Variants in LHPP observed in about 807,000 individuals in gnomAD.
LHPP encodes hLHPP.
In LHPP, 24 loss-of-function variants were observed where a neutral mutation model predicts 30.3. That is an observed-to-expected ratio of 0.79 (90% CI 0.57 to 1.11). LHPP has a LOEUF of 1.11. LHPP is among the 50% of genes most tolerant of loss of function. LHPP has a pLI of 0.00. For synonymous variants in LHPP, 150 were observed against 157.1 expected (o/e 0.95, Z 0.34); for missense variants, 356 against 367.2 (o/e 0.97, Z 0.25).
chr10:124,564,261 C>T (rs182030591), intron 6 of LHPP, among the ~76,000 whole-genome samples: 47 of 151,762 alleles, frequency 3.1e-4, no homozygotes, highest in Admixed American at 7.2e-4. Context: ...GTAGCTGGGA[C>T]TACAGGCACG....
chr10:124,466,624 T>G (rs536816568), intron 1 of LHPP, among the ~76,000 whole-genome samples: 147 of 152,066 alleles, frequency 9.7e-4, no homozygotes, highest in African/African-American at 3.3e-3. Flanking sequence ...GCCTGGCTAA[T>G]TTTTGTATTT....
chr10:124,591,056 T>C (rs1273507736), intron 6 of LHPP, among the ~76,000 whole-genome samples: 1 of 151,792 alleles, frequency 6.6e-6, no homozygotes, highest in Non-Finnish European at 1.5e-5. Flanking sequence ...AGCAGCCCTC[T>C]GAGGGGGTAG....
At chr10:124,533,320 C>T (rs1176389255) in intron 6 of LHPP, among the ~76,000 whole-genome samples, 3 of 152,344 alleles carry the variant, frequency 2.0e-5, no homozygotes, top group Non-Finnish European at 2.9e-5. Flanking sequence ...CCCCCCAGAG[C>T]GGCTTCCTGC....
At chr10:124,466,072 A>G (rs1952545084) in intron 1 of LHPP, among the ~76,000 whole-genome samples, 1 of 152,210 alleles carries the variant, frequency 6.6e-6, no homozygotes, top group Non-Finnish European at 1.5e-5. Context: ...AAAGGACACA[A>G]GTACAAGGTC....
chr10:124,519,885 T>G (rs1954565577), intron 6 of LHPP, among the ~76,000 whole-genome samples: 1 of 152,060 alleles, frequency 6.6e-6, no homozygotes, highest in Non-Finnish European at 1.5e-5. Context: ...CAGGCTGGAG[T>G]GCAGTGGCGC....
chr10:124,583,567 A>G (rs72837398), intron 6 of LHPP, among the ~76,000 whole-genome samples: 4,958 of 152,356 alleles, frequency 0.033, 131 homozygotes, highest in East Asian at 0.13. Context: ...GTAAAGCAGC[A>G]TCTGCTTCTG....
intron 5 of LHPP, among the ~76,000 whole-genome samples, chr10:124,508,220 C>T (rs1027676812): frequency 6.6e-6 from 1 of 152,070 alleles, no homozygotes; most frequent in Admixed American, 6.5e-5. Context: ...TCCACTGAGG[C>T]CTCCCCACGA....
intron 1 of LHPP, among the ~76,000 whole-genome samples, chr10:124,473,678 C>T (rs988816358): frequency 2.6e-5 from 4 of 152,114 alleles, no homozygotes; most frequent in Admixed American, 6.6e-5. Context: ...TTGGGTGGGG[C>T]GAGGCGACTC....
rs7898793 is a variant in LHPP at position 124,596,366 on chromosome 10, C to T, written c.717-16898C>T. On this transcript the variant is annotated intron_variant, in intron 6 of 6. Transcript: ENST00000368842. This position sits in a 1 kb window ranked among gnomAD's most constrained non-coding sequence, Gnocchi z 4.6. Reference sequence around the variant, plus strand: ...TGTCTGATGTACCATGTTGCGCTCCCGCCAGCCTCGCTGAGTTCCCATAGC... The same window carrying T: ...TGTCTGATGTACCATGTTGCGCTCCTGCCAGCCTCGCTGAGTTCCCATAGC... Among the ~76,000 whole-genome samples, 36,434 of 152,016 alleles carry T rather than the reference C, an allele frequency of 0.24. 4,949 individuals carry two copies. Among genetic ancestry groups the T allele is most frequent in the East Asian group, 0.41 (2,093 of 5,166 alleles).
At chr10:124,511,443 G>A (rs562463318) in intron 5 of LHPP, among the ~76,000 whole-genome samples, 1 of 152,226 alleles carries the variant, frequency 6.6e-6, no homozygotes, top group African/African-American at 2.4e-5. Flanking sequence ...AAAGTATGAA[G>A]TAGAGAGCAC....
intron 6 of LHPP, among the ~76,000 whole-genome samples, chr10:124,589,620 C>T (rs1354011141): frequency 6.6e-6 from 1 of 152,228 alleles, no homozygotes; most frequent in Non-Finnish European, 1.5e-5. Context: ...GTGCAGAGCT[C>T]ACCCGGCCCC....
intron 3 of LHPP, among the ~76,000 whole-genome samples, chr10:124,493,068 A>G (rs1953580944): frequency 6.6e-6 from 1 of 151,938 alleles, no homozygotes; most frequent in Non-Finnish European, 1.5e-5. Flanking sequence ...ATTAAAAACC[A>G]CTATTCCAGA....
chr10:124,525,256 G>A (rs1954704419), intron 6 of LHPP, among the ~76,000 whole-genome samples: 1 of 152,240 alleles, frequency 6.6e-6, no homozygotes, highest in South Asian at 2.1e-4. Flanking sequence ...GTGGGTCCCA[G>A]TTTGGCCCTT....
At chr10:124,577,138 C>T (rs1377818000) in intron 6 of LHPP, among the ~76,000 whole-genome samples, 3 of 152,214 alleles carry the variant, frequency 2.0e-5, no homozygotes, top group Non-Finnish European at 1.5e-5. Flanking sequence ...CCATAGCCTG[C>T]TCAGGTGGGT....
chr10:124,485,617 A>G (rs1358238588), intron 2 of LHPP, among the ~76,000 whole-genome samples: 1 of 145,964 alleles, frequency 6.9e-6, no homozygotes, highest in Non-Finnish European at 1.5e-5. Context: ...TTTTTTTTGG[A>G]GACAGAGTCT....
chr10:124,475,056 T>C (rs1483754132), intron 1 of LHPP, among the ~76,000 whole-genome samples: 2 of 40,686 alleles, frequency 4.9e-5, no homozygotes, highest in African/African-American at 1.8e-4. Context: ...GGAGTCTCGC[T>C]CTGTCGCCCA....
rs147666271 is a variant in LHPP, at chr10:124,472,366, T to C, written c.125+10379T>C. Among the ~76,000 whole-genome samples, 346 of 152,250 alleles carry C rather than the reference T, an allele frequency of 2.3e-3. 3 individuals carry two copies. Among genetic ancestry groups the C allele is most frequent in the African/African-American group, 7.9e-3 (330 of 41,552 alleles). ...AACCACACAACACAGTTTATATGCT[T>C]AGAAGTTTATGTGAGTGCTGGAAGC... is the stretch of plus-strand genomic sequence containing the variant. On this transcript the variant is annotated intron_variant, in intron 1 of 6. Transcript: ENST00000368842.
intron 1 of LHPP, among the ~76,000 whole-genome samples, chr10:124,482,884 C>T (rs1004137210): frequency 4.6e-5 from 7 of 152,210 alleles, no homozygotes; most frequent in Non-Finnish European, 2.9e-5. Flanking sequence ...GTCTCTTGTT[C>T]CTATTCCAAC....
In LHPP at chr10:124,496,781, GC is replaced by G. The variant is rs1953725718; in HGVS notation, c.468-177del. Among the ~76,000 whole-genome samples the G allele has an allele frequency of 6.6e-6, 1 of 152,240 alleles. No homozygotes were observed. Among genetic ancestry groups the G allele is most frequent in the Non-Finnish European group, 1.5e-5 (1 of 68,034 alleles). ...GCCCCACTGGGTGTGGCGGCCTGCC[GC>G]CCGGCTCTGTGGTGCTGGTCCCCTG... On this transcript the variant is annotated intron_variant, in intron 3 of 6. Coordinates refer to ENST00000368842, the MANE Select transcript of LHPP (RefSeq NM_022126.4). The surrounding 1 kb of genome is among the most constrained non-coding windows in gnomAD (Gnocchi z 4.3).
Sources: gnomAD v4.1 joint callset for allele counts (sites outside exome capture counted in the v4.1 genomes callset) on GRCh38, gnomAD v4.1.1 for gene constraint, Gnocchi (gnomAD v3.1) non-coding constraint, MANE v1.5 for transcripts, NCBI Gene and HGNC (gene_info 2026-07-23, HGNC 2026-07-21) for gene names.